BRAP: variants seen among roughly 807,000 people sequenced by gnomAD.
The protein encoded by BRAP is BRCA1-associated protein.
In BRAP, 42 loss-of-function variants were observed where a neutral mutation model predicts 73.4. The ratio of observed to expected loss-of-function variants is 0.57; its 90% confidence interval spans 0.45 to 0.74. The LOEUF is 0.74. Ranked by LOEUF, BRAP falls within the 30% of genes least tolerant of loss-of-function variation. The pLI, the probability that BRAP is intolerant of heterozygous loss-of-function variation, is 0.00. For synonymous variants in BRAP, 255 were observed against 267.4 expected (o/e 0.95, Z 0.45); for missense variants, 593 against 751.4 (o/e 0.79, Z 2.46).
At chr12:111,669,780 C>T (rs768311485) in intron 5 of BRAP, 2 of 432,396 alleles carry the variant, frequency 4.6e-6, no homozygotes, top group Non-Finnish European at 8.3e-6. Flanking sequence ...AGTCTTATAC[C>T]ATTCTTTAAA....
At chr12:111,647,412 G>T (rs1886147101) in intron 11 of BRAP, among the ~76,000 whole-genome samples, 1 of 152,162 alleles carries the variant, frequency 6.6e-6, no homozygotes. Flanking sequence ...AGAATACCTA[G>T]ATTCTATTTT....
At chr12:111,646,004 T>C (rs1441891244) in intron 11 of BRAP, among the ~76,000 whole-genome samples, 4 of 150,204 alleles carry the variant, frequency 2.7e-5, no homozygotes, top group Non-Finnish European at 4.4e-5. Flanking sequence ...AAACAACCCA[T>C]ACCATCTGAG....
At chr12:111,667,426 G>A (rs570504845) in intron 5 of BRAP, among the ~76,000 whole-genome samples, 34 of 152,026 alleles carry the variant, frequency 2.2e-4, no homozygotes, top group East Asian at 5.8e-4. Context: ...GATGCCGGGC[G>A]GGGTGGCTCA....
intron 6 of BRAP, among the ~76,000 whole-genome samples, chr12:111,663,665 C>G (rs2135911475): frequency 6.6e-6 from 1 of 152,202 alleles, no homozygotes; most frequent in East Asian, 1.9e-4. Flanking sequence ...CTTCCAATCT[C>G]CACCCTGAAC....
chr12:111,645,059 A>G (rs1886059107), intron 11 of BRAP, among the ~76,000 whole-genome samples: 1 of 149,526 alleles, frequency 6.7e-6, no homozygotes, highest in African/African-American at 2.5e-5. Flanking sequence ...GCCAGTCCAC[A>G]AGTGTATTAT....
chr12:111,665,763 G>T lies in BRAP; in HGVS notation c.772C>A (p.Leu258Met). 2 of 1,614,224 alleles carry T rather than the reference G, an allele frequency of 1.2e-6. No individual in the cohort carries two copies. Among genetic ancestry groups the T allele is most frequent in the Non-Finnish European group, 1.7e-6 (2 of 1,180,036 alleles). The change falls in exon 6 of 12, where the codon CTG becomes ATG. Residue 258 changes from leucine to methionine, a missense_variant. Coordinates refer to ENST00000419234, the MANE Select transcript of BRAP (RefSeq NM_006768.5). The surrounding 1 kb of genome is among the most constrained non-coding windows in gnomAD (Gnocchi z 4.3). ...ACCGTGCACTTGGGGAGTTCAGTCA[G>T]GTCCATCACTGGGAGGCTGGCGCCC... ...EDGASLPVMD[L>M]TELPKCTVCL...
chr12:111,683,109 C>T (rs1339353026), intron 2 of BRAP, 37 bp downstream of exon 2: 1 of 1,589,644 alleles, frequency 6.3e-7, no homozygotes, highest in East Asian at 2.2e-5. Context: ...CCAGTGTTCA[C>T]ATTACAAAAG....
rs780046712 is a variant in BRAP at position 111,644,536 on chromosome 12, G to C, written c.1442C>G (p.Ala481Gly). The C allele has an allele frequency of 3.0e-5, 49 of 1,613,658 alleles. No homozygotes were observed. The highest frequency in any genetic ancestry group is 4.2e-5 in the Non-Finnish European group (49 of 1,179,810). The stretch of plus-strand genomic sequence containing the variant: ...CTCTTTGAGCTCGTTGGTGAGTTTG[G>C]CCACTTTTGTGTTTAGCTGAGTGCA... ...RKCTQLNTKV[A>G]KLTNELKEEQ... Residue 481 changes from alanine (A) to glycine (G), a missense_variant, in exon 12 of 12, where the codon GCC becomes GGC. Physicochemically the swap from Ala to Gly is moderately conservative, Grantham distance 60. This residue lies in a region of BRAP where 143 missense variants were observed against 190.4 expected (regional missense o/e 0.75). Coordinates refer to ENST00000419234, the MANE Select transcript of BRAP (RefSeq NM_006768.5).
rs1330312999 is a variant in BRAP at position 111,642,744 on chromosome 12, G to C, written c.*1455C>G. The C allele has an allele frequency of 6.6e-6, 1 of 152,150 alleles. No individual in the cohort carries two copies. The highest frequency in any genetic ancestry group is 1.5e-5 in the Non-Finnish European group (1 of 68,042). 9.4% of individuals were successfully genotyped at this position (152,150 alleles called of 1,614,324 possible). On this transcript the variant is annotated 3_prime_UTR_variant, in exon 12 of 12. Transcript: ENST00000419234. Reference sequence around the variant, plus strand: ...AGTCCAAGAGAGACTCAAAGAGTTGGTCTGCCCTAAGTAAAAATTAAGAAT... The same window carrying C: ...AGTCCAAGAGAGACTCAAAGAGTTGCTCTGCCCTAAGTAAAAATTAAGAAT...
At chr12:111,646,812 T>C (rs2135891385) in intron 11 of BRAP, among the ~76,000 whole-genome samples, 1 of 152,246 alleles carries the variant, frequency 6.6e-6, no homozygotes, top group Non-Finnish European at 1.5e-5. Flanking sequence ...GCATGCCCTT[T>C]GACACAGCTA....
Position 111,644,258 on chromosome 12 carries a change from A to G in BRAP, c.1720T>C (p.Ser574Pro). The G allele has an allele frequency of 2.5e-6, 4 of 1,613,998 alleles. No homozygotes were observed. In the South Asian group the frequency reaches 4.4e-5, roughly 18 times the overall value. ...IAMASASSPASSGGSGKLPSR... is the reference protein window; with the variant it reads ...IAMASASSPAPSGGSGKLPSR... ...GGCAACTTCCCACTGCCCCCCGAAG[A>G]GGCAGGGCTCGAGGCCGAGGCCATG... Residue 574 changes from serine to proline, a missense_variant, in exon 12 of 12, where the codon TCT (serine) becomes CCT (proline). Transcript: ENST00000419234.
At chr12:111,671,908 A>G (rs949310515) in intron 5 of BRAP, among the ~76,000 whole-genome samples, 2 of 151,934 alleles carry the variant, frequency 1.3e-5, no homozygotes, top group East Asian at 1.9e-4. Context: ...CTGGTCTCGA[A>G]TTCCTACACT....
intron 9 of BRAP, among the ~76,000 whole-genome samples, chr12:111,656,682 T>C (rs934305053): frequency 6.6e-6 from 1 of 152,076 alleles, no homozygotes; most frequent in African/African-American, 2.4e-5. Flanking sequence ...TGTTCAATAC[T>C]GTGTTTGCAG....
intron 9 of BRAP, among the ~76,000 whole-genome samples, chr12:111,657,545 A>C: frequency 6.6e-6 from 1 of 152,184 alleles, no homozygotes; most frequent in African/African-American, 2.4e-5. Flanking sequence ...TCCTAAGGTT[A>C]AGGTATGTTT....
Position 111,655,644 on chromosome 12 carries a change from T to C in BRAP, c.1233A>G (p.Leu411=). ...IDALQLEYSY[L]LTSQLESQRI... ...GCTGAGATTCCAGCTGGCTTGTTAG[T>C]AAATATGAATACTAGAAACATAGAG... Residue 411 remains leucine (L), a synonymous_variant, in exon 10 of 12, where the codon TTA becomes TTG. Transcript: ENST00000419234. The C allele has an allele frequency of 6.2e-7, 1 of 1,609,994 alleles. No homozygotes were observed. The highest frequency in any genetic ancestry group is 8.5e-7 in the Non-Finnish European group (1 of 1,176,278).
chr12:111,685,564 G>A, intron 1 of BRAP, 147 bp downstream of exon 1: 2 of 1,356,742 alleles, frequency 1.5e-6, no homozygotes, highest in Non-Finnish European at 1.9e-6. Context: ...AAAGGCGGAT[G>A]GGAAAGAGAG....
intron 10 of BRAP, among the ~76,000 whole-genome samples, chr12:111,653,474 T>G (rs998165908): frequency 6.6e-6 from 1 of 152,220 alleles, no homozygotes; most frequent in Non-Finnish European, 1.5e-5. Flanking sequence ...GCCTACCATG[T>G]GTTCCTCATA....
At chr12:111,657,160 C>T (rs187770320) in intron 9 of BRAP, among the ~76,000 whole-genome samples, 2 of 152,316 alleles carry the variant, frequency 1.3e-5, no homozygotes, top group East Asian at 1.9e-4. Flanking sequence ...TCTCCTGCCT[C>T]AGCCTCCCAA....
rs1324646115 is a variant in BRAP at position 111,655,579 on chromosome 12, T to C, written c.1298A>G (p.Asp433Gly). 1 of 1,613,182 alleles carries C rather than the reference T, an allele frequency of 6.2e-7. No homozygotes were observed. The highest frequency in any genetic ancestry group is 1.3e-5 in the African/African-American group (1 of 74,914). The change falls in exon 10 of 12, where the codon GAC becomes GGC. Residue 433 changes from aspartate to glycine, a missense_variant. Asp to Gly is a moderately conservative substitution (Grantham distance 94, BLOSUM62 -1). Around this residue, in one of 4 missense-constraint regions of BRAP, gnomAD observed 143 missense variants for 190.4 expected, o/e 0.75. Transcript: ENST00000419234. ...AAACAGACTTACTTCCTCTGCTGTG[T>C]CCTTCTCTATCCGAACTATCTTGTT... ...WENKIVRIEK[D>G]TAEEINNMKT...
Sources: gnomAD v4.1 joint callset for allele counts (sites outside exome capture counted in the v4.1 genomes callset) on GRCh38, gnomAD v4.1.1 for gene constraint, gnomAD v4.1.1 regional missense constraint, Gnocchi (gnomAD v3.1) non-coding constraint, MANE v1.5 for transcripts, NCBI Gene and HGNC (gene_info 2026-07-23, HGNC 2026-07-21) for gene names.